DLG2: variants seen among roughly 807,000 people sequenced by gnomAD.
The protein encoded by DLG2 is disks large homolog 2.
In DLG2, 45 loss-of-function variants were observed where a neutral mutation model predicts 132.5. That is an observed-to-expected ratio of 0.34 (90% CI 0.27 to 0.44). The LOEUF is 0.44. Ranked by LOEUF, DLG2 falls within the 20% of genes least tolerant of loss-of-function variation. DLG2 has a pLI of 1.00. For synonymous variants in DLG2, 424 were observed against 419.6 expected, an observed-to-expected ratio of 1.01 and a Z score of -0.13; for missense variants, 1,045 against 1,196.9, an observed-to-expected ratio of 0.87 and a Z score of 1.87.
At chr11:85,463,321 T>G (rs1160229274) in intron 3 of DLG2, among the ~76,000 whole-genome samples, 1 of 152,232 alleles carries the variant, frequency 6.6e-6, no homozygotes, top group Non-Finnish European at 1.5e-5. Context: ...TAGGCAATAC[T>G]GTATTTTTCT....
At chr11:85,530,836 A>G (rs1435126510) in intron 3 of DLG2, among the ~76,000 whole-genome samples, 1 of 152,204 alleles carries the variant, frequency 6.6e-6, no homozygotes, top group Non-Finnish European at 1.5e-5. Flanking sequence ...GGTTAGAAGT[A>G]GAGTTAAAAT....
At chr11:84,009,146 T>C (rs1201539626) in intron 11 of DLG2, among the ~76,000 whole-genome samples, 1 of 152,010 alleles carries the variant, frequency 6.6e-6, no homozygotes, top group East Asian at 1.9e-4. Flanking sequence ...TTTCTTATAT[T>C]TTACTTCATG....
At chr11:84,397,051 C>A (rs924540993) in intron 7 of DLG2, among the ~76,000 whole-genome samples, 1 of 151,926 alleles carries the variant, frequency 6.6e-6, no homozygotes, top group East Asian at 1.9e-4. Flanking sequence ...ATGCAGTATG[C>A]ATTATCTCAC....
chr11:85,562,047 A>G (rs763705234), intron 3 of DLG2, among the ~76,000 whole-genome samples: 1 of 151,782 alleles, frequency 6.6e-6, no homozygotes, highest in Admixed American at 6.6e-5. Context: ...CCACAGAACT[A>G]TGTTTTCTAA....
intron 6 of DLG2, among the ~76,000 whole-genome samples, chr11:84,656,770 G>C (rs2099688817): frequency 6.6e-6 from 1 of 151,980 alleles, no homozygotes; most frequent in South Asian, 2.1e-4. Flanking sequence ...CTGTTAAAGG[G>C]ACATAAGATT....
At chr11:84,303,104 C>G (rs2098174550) in intron 7 of DLG2, among the ~76,000 whole-genome samples, 1 of 152,002 alleles carries the variant, frequency 6.6e-6, no homozygotes, top group South Asian at 2.1e-4. Flanking sequence ...GAGTGAGACT[C>G]TGTCTCAAAA....
At chr11:84,462,064 T>G (rs925903304) in intron 7 of DLG2, among the ~76,000 whole-genome samples, 1 of 151,024 alleles carries the variant, frequency 6.6e-6, no homozygotes, top group Non-Finnish European at 1.5e-5. Context: ...GACTCACTTT[T>G]GTCATCTGTG....
chr11:83,838,995 G>T (rs1357134392), intron 16 of DLG2, among the ~76,000 whole-genome samples: 1 of 152,140 alleles, frequency 6.6e-6, no homozygotes, highest in Non-Finnish European at 1.5e-5. Context: ...TATGCAGGAA[G>T]AATACAGCTT....
chr11:83,594,419 T>TA (rs1358287997), intron 19 of DLG2, among the ~76,000 whole-genome samples: 3 of 152,228 alleles, frequency 2.0e-5, no homozygotes, highest in Non-Finnish European at 4.4e-5. Context: ...TTAGCTTTGT[T>TA]AATACAGTCT....
At position 83,531,732 on chromosome 11, in the gene DLG2, T is replaced by C. The variant is rs78264627; in HGVS notation, c.2193+976A>G. 9.6e-3 allele frequency among the ~76,000 whole-genome samples: 1,437 copies of C among 149,634 alleles called. 14 individuals carry two copies. The highest frequency in any genetic ancestry group is 0.03 in the African/African-American group (1,224 of 40,824). On this transcript the variant is annotated intron_variant, in intron 21 of 27. Transcript: ENST00000376104. ...CAGCATTATCCATAATAACTAAAAA[T>C]TGGAAACAATTGAAATGTCCATCAA...
At chr11:83,947,020 A>T (rs1029126007) in intron 14 of DLG2, among the ~76,000 whole-genome samples, 2 of 152,230 alleles carry the variant, frequency 1.3e-5, no homozygotes, top group African/African-American at 2.4e-5. Flanking sequence ...TATATGATCG[A>T]AACTAATATT....
At chr11:83,485,094 G>GCAGT (rs751933716) in intron 21 of DLG2, among the ~76,000 whole-genome samples, 65 of 151,462 alleles carry the variant, frequency 4.3e-4, no homozygotes, top group Non-Finnish European at 6.9e-4. Context: ...AGGAAAAATG[G>GCAGT]CAGTCACTCT....
chr11:85,561,044 T>A (rs1253783481), intron 3 of DLG2, among the ~76,000 whole-genome samples: 1 of 148,108 alleles, frequency 6.8e-6, no homozygotes, highest in African/African-American at 2.5e-5. Flanking sequence ...CAAAAAAAAA[T>A]AATAAAAATA....
intron 6 of DLG2, among the ~76,000 whole-genome samples, chr11:84,646,920 C>T (rs2099675688): frequency 6.6e-6 from 1 of 152,018 alleles, no homozygotes; most frequent in South Asian, 2.1e-4. Flanking sequence ...AGTTATAACC[C>T]AGGCATATTC....
At position 84,706,217 on chromosome 11, in the gene DLG2, C is replaced by T. The variant is rs541723178; in HGVS notation, c.358-171486G>A. Among the ~76,000 whole-genome samples the T allele has an allele frequency of 5.3e-5, 8 of 151,784 alleles. No homozygotes were observed. The South Asian group carries it at 8.3e-4, about 16-fold the overall frequency. ...ATCAATACTGTATTTGCTAAACAAA[C>T]GAATGTTCTTGTTGGCAATAAGTAG... On this transcript the variant is annotated intron_variant, in intron 6 of 27. Transcript: ENST00000376104.
intron 6 of DLG2, among the ~76,000 whole-genome samples, chr11:85,048,525 GAAAT>G (rs1054449958): frequency 1.3e-5 from 2 of 151,940 alleles, no homozygotes; most frequent in Non-Finnish European, 2.9e-5. Flanking sequence ...AGAAATGTGA[GAAAT>G]AACCTTTAGA....
intron 6 of DLG2, among the ~76,000 whole-genome samples, chr11:84,680,545 G>A (rs900173057): frequency 2.6e-5 from 4 of 152,176 alleles, no homozygotes; most frequent in African/African-American, 7.2e-5. Flanking sequence ...ACTGGGGTGT[G>A]AGAGCTTGGC....
chr11:85,154,282 G>A (rs1356531895), intron 5 of DLG2, among the ~76,000 whole-genome samples: 1 of 151,862 alleles, frequency 6.6e-6, no homozygotes, highest in African/African-American at 2.4e-5. Context: ...GAGGAAAAGT[G>A]AAATAGCTTA....
At chr11:84,248,684 G>T (rs1236786118) in intron 8 of DLG2, among the ~76,000 whole-genome samples, 4 of 151,942 alleles carry the variant, frequency 2.6e-5, no homozygotes, top group African/African-American at 7.3e-5. Flanking sequence ...GCAAAAACTC[G>T]TCTCTACTAA....
Sources: gnomAD v4.1 joint callset for allele counts (sites outside exome capture counted in the v4.1 genomes callset) on GRCh38, gnomAD v4.1.1 for gene constraint, MANE v1.5 for transcripts, NCBI Gene and HGNC (gene_info 2026-07-23, HGNC 2026-07-21) for gene names.